Variants in CLHC1 observed in about 807,000 individuals in gnomAD.
The protein encoded by CLHC1 is clathrin heavy chain linker domain containing 1, also known as clathrin heavy chain linker domain-containing protein 1.
CLHC1 carries 72 observed loss-of-function variants against 69.5 expected under a neutral mutation model. The ratio of observed to expected loss-of-function variants is 1.04; its 90% CI spans 0.86 to 1.26. CLHC1 has a LOEUF of 1.26. CLHC1 is among the 50% of genes most tolerant of loss of function. CLHC1 has a pLI of 0.00. For synonymous variants in CLHC1, 223 were observed against 224.3 expected (o/e 0.99, Z 0.05); for missense variants, 790 against 679.3 (o/e 1.16, Z -1.81).
intron 11 of CLHC1, among the ~76,000 whole-genome samples, chr2:55,178,138 T>A (rs1010330290): frequency 1.3e-5 from 2 of 152,204 alleles, no homozygotes; most frequent in Non-Finnish European, 2.9e-5. Flanking sequence ...AGTTTTCACA[T>A]CTGAAAAGTG....
At chr2:55,181,012 G>C (rs537984220) in intron 10 of CLHC1, among the ~76,000 whole-genome samples, 3 of 151,876 alleles carry the variant, frequency 2.0e-5, no homozygotes, top group Admixed American at 2.0e-4. Flanking sequence ...ATTGAGTCTC[G>C]CTCTGTCACC....
Position 55,175,803 on chromosome 2 carries a change from T to A in CLHC1, c.1748A>T (p.His583Leu). 2 of 1,613,742 alleles carry A rather than the reference T, an allele frequency of 1.2e-6. No homozygotes were observed. The highest frequency in any genetic ancestry group is 1.7e-6 in the Non-Finnish European group (2 of 1,179,714). Reference sequence around the variant, plus strand: ...TAAGATATAGAACTACCAAAACACATGTTCCATTAGGTTGACTGCGTCATC... The same window carrying A: ...TAAGATATAGAACTACCAAAACACAAGTTCCATTAGGTTGACTGCGTCATC... ...EEDDAVNLMEHVFW is the reference protein window; with the variant it reads ...EEDDAVNLMELVFW Residue 583 changes from histidine (H) to leucine (L), a missense_variant, in exon 13 of 13, where the codon CAT (histidine) becomes CTT (leucine). By Grantham distance (99) the His-to-Leu change is moderately conservative. Transcript: ENST00000401408.
At chr2:55,231,570 A>C (rs1675366139) in intron 1 of CLHC1, among the ~76,000 whole-genome samples, 1 of 152,228 alleles carries the variant, frequency 6.6e-6, no homozygotes, top group African/African-American at 2.4e-5. Flanking sequence ...GAACCCCTAC[A>C]AGAGAAAATT....
intron 9 of CLHC1, among the ~76,000 whole-genome samples, chr2:55,185,908 C>G (rs979276040): frequency 1.7e-4 from 26 of 152,072 alleles, no homozygotes; most frequent in African/African-American, 6.3e-4. Flanking sequence ...TTTAATATGT[C>G]TTAAAAACTA....
intron 2 of CLHC1, among the ~76,000 whole-genome samples, chr2:55,222,738 T>A (rs993083765): frequency 1.3e-5 from 2 of 151,136 alleles, no homozygotes; most frequent in Non-Finnish European, 2.9e-5. Context: ...CTGACCAACA[T>A]GGAGAAACCC....
In CLHC1 at chr2:55,174,426, G is replaced by A. The variant is rs6713058; in HGVS notation, c.*1364C>T. 0.98 allele frequency among the ~76,000 whole-genome samples: 148,881 copies of A among 152,342 alleles called. 72,790 individuals are homozygous for A. Among genetic ancestry groups the A allele is most frequent in the African/African-American group, 0.99 (41,319 of 41,580 alleles). ...AGGATAAACATATAAATACAAATGA[G>A]TAGACATATGGGATTTAGTAAGTAC... On this transcript the variant is annotated 3_prime_UTR_variant, in exon 13 of 13. Transcript: ENST00000401408.
chr2:55,212,071 G>C (rs529636224), intron 5 of CLHC1, among the ~76,000 whole-genome samples: 2 of 152,294 alleles, frequency 1.3e-5, no homozygotes, highest in South Asian at 2.1e-4. Context: ...GAGCCCAGGA[G>C]TTTGAGACCA....
intron 9 of CLHC1, among the ~76,000 whole-genome samples, chr2:55,186,042 C>A (rs1378057867): frequency 2.0e-5 from 3 of 152,166 alleles, no homozygotes; most frequent in African/African-American, 7.2e-5. Context: ...ATCTAAGACT[C>A]TGAAAACATG....
At chr2:55,225,330 T>C (rs1408073174) in intron 2 of CLHC1, 1 of 152,284 alleles carries the variant, frequency 6.6e-6, no homozygotes, top group Non-Finnish European at 1.5e-5. Flanking sequence ...CGGGATAGAA[T>C]TACTTCCCAT....
intron 4 of CLHC1, 131 bp from the exon 5 acceptor site, chr2:55,212,937 G>T (rs753518307): frequency 7.6e-6 from 5 of 659,284 alleles, no homozygotes; most frequent in Non-Finnish European, 1.3e-5. Flanking sequence ...CCCTGAAAAA[G>T]TTATCTAGCC....
At chr2:55,176,241 C>CA (rs1168431680) in intron 12 of CLHC1, among the ~76,000 whole-genome samples, 1 of 152,174 alleles carries the variant, frequency 6.6e-6, no homozygotes, top group African/African-American at 2.4e-5. Context: ...TCTCACATTT[C>CA]ACATCTCCAC....
At chr2:55,176,597 A>G (rs1442314171) in intron 12 of CLHC1, among the ~76,000 whole-genome samples, 1 of 152,188 alleles carries the variant, frequency 6.6e-6, no homozygotes, top group Non-Finnish European at 1.5e-5. Flanking sequence ...AAAATATCTT[A>G]GTGATCTATC....
At chr2:55,230,038 C>T (rs989330162) in intron 1 of CLHC1, among the ~76,000 whole-genome samples, 3 of 152,186 alleles carry the variant, frequency 2.0e-5, no homozygotes, top group Admixed American at 2.0e-4. Context: ...TGCCATTGCA[C>T]TCCAGCCTGG....
At chr2:55,209,163 G>T (rs897233354) in intron 7 of CLHC1, among the ~76,000 whole-genome samples, 2 of 151,936 alleles carry the variant, frequency 1.3e-5, no homozygotes, top group Admixed American at 1.3e-4. Flanking sequence ...ATGAGCCACC[G>T]TGCCCGGCCT....
rs1185132350 is a variant in CLHC1 at position 55,172,607 on chromosome 2, C to G, written c.*3183G>C. ...ACAACAAATTATAACTACTAGCAAA[C>G]TGACAGCTTTATACACCGAACATTT... On this transcript the variant is annotated 3_prime_UTR_variant, in exon 13 of 13. Transcript: ENST00000401408. 1.3e-5 allele frequency among the ~76,000 whole-genome samples: 2 copies of G among 150,684 alleles called. No homozygotes were observed. Among genetic ancestry groups the G allele is most frequent in the Admixed American group, 6.6e-5 (1 of 15,150 alleles).
chr2:55,209,094 C>T (rs1420333577), intron 7 of CLHC1, among the ~76,000 whole-genome samples: 2 of 151,974 alleles, frequency 1.3e-5, no homozygotes, highest in African/African-American at 4.8e-5. Flanking sequence ...AGGATGGTCT[C>T]GATCTTCTGA....
At chr2:55,191,989 G>T (rs1670977532) in intron 9 of CLHC1, among the ~76,000 whole-genome samples, 1 of 151,996 alleles carries the variant, frequency 6.6e-6, no homozygotes, top group Non-Finnish European at 1.5e-5. Context: ...TCCAGCCTGG[G>T]CAACATAGCA....
At chr2:55,176,674 T>C (rs1480001264) in intron 12 of CLHC1, among the ~76,000 whole-genome samples, 2 of 152,192 alleles carry the variant, frequency 1.3e-5, no homozygotes, top group Non-Finnish European at 2.9e-5. Flanking sequence ...AGAGGATCAC[T>C]TTTTAGAATA....
At chr2:55,231,111 G>C (rs868734819) in intron 1 of CLHC1, among the ~76,000 whole-genome samples, 1 of 152,028 alleles carries the variant, frequency 6.6e-6, no homozygotes, top group Admixed American at 6.6e-5. Context: ...TTAGCCGGGT[G>C]TGGTGGTGGG....
Sources: allele counts gnomAD v4.1 joint callset (sites outside exome capture counted in the v4.1 genomes callset), GRCh38; gene constraint gnomAD v4.1.1; transcripts MANE v1.5; gene names NCBI Gene and HGNC (gene_info 2026-07-23, HGNC 2026-07-21).